The following ROCK2 variants were observed in gnomAD, a reference collection of about 807,000 sequenced individuals.
The protein encoded by ROCK2 is Rho associated coiled-coil containing protein kinase 2, also known as rho-associated protein kinase 2.
Under a neutral mutation model 195.1 loss-of-function variants are expected in ROCK2, and 61 were observed. That is an observed-to-expected ratio of 0.31 (90% confidence interval 0.25 to 0.39). ROCK2 has a LOEUF of 0.39. Ranked by LOEUF, ROCK2 falls within the 10% of genes least tolerant of loss-of-function variation. The pLI is 1.00. For synonymous variants in ROCK2, 504 were observed against 545.5 expected (o/e 0.92, Z 1.06); for missense variants, 1,109 against 1,637.4 (o/e 0.68, Z 5.57).
intron 4 of ROCK2, among the ~76,000 whole-genome samples, chr2:11,238,237 T>C (rs944920441): frequency 4.6e-5 from 7 of 151,074 alleles, no homozygotes; most frequent in Non-Finnish European, 8.8e-5. Flanking sequence ...TGTGTGTGTG[T>C]GTGTCTGTTG....
chr2:11,285,128 G>C (rs1667141901), intron 3 of ROCK2, among the ~76,000 whole-genome samples: 1 of 151,986 alleles, frequency 6.6e-6, no homozygotes, highest in South Asian at 2.1e-4. Flanking sequence ...CAGGCGTGGT[G>C]GTGCATGCCT....
intron 32 of ROCK2, among the ~76,000 whole-genome samples, chr2:11,185,681 A>G (rs1318707912): frequency 6.6e-6 from 1 of 152,208 alleles, no homozygotes; most frequent in African/African-American, 2.4e-5. Context: ...GTGAGCCGAG[A>G]TCGTGCCATT....
chr2:11,314,350 T>C (rs72789533), intron 1 of ROCK2, among the ~76,000 whole-genome samples: 6,875 of 152,000 alleles, frequency 0.045, 287 homozygotes, highest in Non-Finnish European at 0.06. Flanking sequence ...ACTGACTGCA[T>C]TGCACATGCT....
chr2:11,215,480 G>T, intron 14 of ROCK2, 30 bp downstream of exon 14: 2 of 1,605,848 alleles, frequency 1.2e-6, no homozygotes, highest in Non-Finnish European at 8.5e-7. Context: ...TTTTTTTCTT[G>T]ATGAGTAATT....
chr2:11,269,401 A>G (rs900983948), intron 3 of ROCK2, among the ~76,000 whole-genome samples: 1 of 151,286 alleles, frequency 6.6e-6, no homozygotes, highest in African/African-American at 2.4e-5. Flanking sequence ...AATACTAGCT[A>G]CTCAGGAGGC....
At chr2:11,231,540 G>A (rs1193225669) in intron 5 of ROCK2, among the ~76,000 whole-genome samples, 2 of 152,094 alleles carry the variant, frequency 1.3e-5, no homozygotes, top group Admixed American at 6.6e-5. Flanking sequence ...AACATATAAA[G>A]TGGTCTTAAA....
chr2:11,256,674 G>A (rs75723624), intron 3 of ROCK2, among the ~76,000 whole-genome samples: 3,636 of 151,160 alleles, frequency 0.024, 172 homozygotes, highest in East Asian at 0.052. Context: ...CAAACTGCAA[G>A]GGTAAAAAAG....
intron 20 of ROCK2, among the ~76,000 whole-genome samples, chr2:11,206,403 C>T (rs1222640008): frequency 6.6e-6 from 1 of 151,828 alleles, no homozygotes; most frequent in Admixed American, 6.6e-5. Context: ...TAAACACTAT[C>T]GTTAGAATAA....
chr2:11,341,549 A>C (rs950849134), intron 1 of ROCK2, among the ~76,000 whole-genome samples: 7 of 152,316 alleles, frequency 4.6e-5, no homozygotes, highest in African/African-American at 1.7e-4. Flanking sequence ...TGAAAGCATC[A>C]TACAATCATT....
At chr2:11,279,332 G>T (rs1666925804) in intron 3 of ROCK2, among the ~76,000 whole-genome samples, 1 of 152,020 alleles carries the variant, frequency 6.6e-6, no homozygotes, top group South Asian at 2.1e-4. Flanking sequence ...GTAGATGGAT[G>T]GAAAAAAATA....
At chr2:11,289,204 T>G (rs1224573912) in intron 1 of ROCK2, among the ~76,000 whole-genome samples, 1 of 152,058 alleles carries the variant, frequency 6.6e-6, no homozygotes, top group African/African-American at 2.4e-5. Context: ...AACTTCCAGG[T>G]AAGCTGGGAT....
intron 1 of ROCK2, among the ~76,000 whole-genome samples, chr2:11,324,579 G>A (rs1433694943): frequency 6.6e-6 from 1 of 152,176 alleles, no homozygotes; most frequent in Non-Finnish European, 1.5e-5. Context: ...TCCAGACAAT[G>A]GAATATTATT....
intron 3 of ROCK2, among the ~76,000 whole-genome samples, chr2:11,260,755 T>A (rs1323162050): frequency 6.6e-6 from 1 of 152,158 alleles, no homozygotes; most frequent in Non-Finnish European, 1.5e-5. Flanking sequence ...CATTTACATA[T>A]GAGATAACTA....
At position 11,193,845 on chromosome 2, in the gene ROCK2, A is replaced by G. The variant is rs1663525035; in HGVS notation, c.3621T>C (p.His1207=). The change falls in exon 30 of 33, where the codon CAT becomes CAC. Residue 1207 remains histidine, a synonymous_variant. Coordinates refer to ENST00000315872, the MANE Select transcript of ROCK2 (RefSeq NM_004850.5). ...CATCTGTCTGTGTAACTGGTCGGAC[A>G]TGAAATAACTTGCTATAAAAAATTT... ...YMVLDIDKLF[H]VRPVTQTDVY... The G allele has an allele frequency of 1.9e-6, 3 of 1,596,138 alleles. No individual in the cohort carries two copies. Among genetic ancestry groups the G allele is most frequent in the Admixed American group, 1.7e-5 (1 of 58,500 alleles).
intron 32 of ROCK2, among the ~76,000 whole-genome samples, chr2:11,190,519 C>T (rs1663382541): frequency 6.6e-6 from 1 of 152,012 alleles, no homozygotes; most frequent in African/African-American, 2.4e-5. Context: ...TAAACTAATT[C>T]CATATATGTT....
Position 11,324,881 on chromosome 2 carries a change from G to A in ROCK2, c.141+19115C>T, listed in dbSNP as rs553345424. Among the ~76,000 whole-genome samples the A allele has an allele frequency of 1.9e-4, 29 of 152,184 alleles. 1 individual carries two copies. The highest frequency in any genetic ancestry group is 1.0e-3 in the South Asian group (5 of 4,830). On this transcript the variant is annotated intron_variant, in intron 1 of 32. Transcript: ENST00000315872. ...TGCTTATTATTTAAAATATCTATTC[G>A]TTTTCTATAAAGAAGTTTTATGCCC...
At chr2:11,210,319 T>C (rs1219005933) in intron 18 of ROCK2, among the ~76,000 whole-genome samples, 3 of 151,062 alleles carry the variant, frequency 2.0e-5, no homozygotes, top group Non-Finnish European at 3.0e-5. Context: ...ATAATGAAAA[T>C]AGTCCTTTTT....
intron 1 of ROCK2, among the ~76,000 whole-genome samples, chr2:11,319,608 A>AT (rs1668338588): frequency 6.6e-6 from 1 of 152,048 alleles, no homozygotes; most frequent in African/African-American, 2.4e-5. Flanking sequence ...CTCCTGCCTG[A>AT]TTGCCCTGGC....
intron 1 of ROCK2, among the ~76,000 whole-genome samples, chr2:11,311,487 C>T (rs1668034723): frequency 6.6e-6 from 1 of 152,030 alleles, no homozygotes; most frequent in Admixed American, 6.6e-5. Context: ...TTAATGGAGT[C>T]TACTAAAGGG....
Sources: gnomAD v4.1 joint callset for allele counts (sites outside exome capture counted in the v4.1 genomes callset) on GRCh38, gnomAD v4.1.1 for gene constraint, MANE v1.5 for transcripts, NCBI Gene and HGNC (gene_info 2026-07-23, HGNC 2026-07-21) for gene names.